Variants in FMNL2 observed in about 807,000 individuals in gnomAD.
The protein encoded by FMNL2 is formin like 2.
Under a neutral mutation model 130.2 loss-of-function variants are expected in FMNL2, and 51 were observed. That is an observed-to-expected ratio of 0.39 (90% CI 0.31 to 0.49). FMNL2 has a LOEUF of 0.49. FMNL2 is among the 20% of genes least tolerant of loss of function. FMNL2 has a pLI of 0.85. For missense variants in FMNL2, 977 were observed against 1,316.2 expected (o/e 0.74, Z 3.99); for synonymous variants, 465 against 467.1 (o/e 1.00, Z 0.06).
intron 1 of FMNL2, among the ~76,000 whole-genome samples, chr2:152,396,137 C>G (rs1220547693): frequency 6.6e-6 from 1 of 152,180 alleles, no homozygotes; most frequent in Admixed American, 6.5e-5. Context: ...ACATCCCTCC[C>G]CCTCTCCTTT....
chr2:152,422,331 C>G (rs1686964102), intron 1 of FMNL2, among the ~76,000 whole-genome samples: 1 of 152,120 alleles, frequency 6.6e-6, no homozygotes, highest in Non-Finnish European at 1.5e-5. Context: ...CATGATGCCC[C>G]GTGATCATCA....
Position 152,560,912 on chromosome 2 carries a change from T to C in FMNL2, c.473T>C (p.Val158Ala), listed in dbSNP as rs1343864018. ...GACTTTGAAAGTGTGGAGAGTACTG[T>C]GGAGAGCTCGGTGGACAAATCAAAG... ...TFDFESVESTVESSVDKSKPW... is the reference protein window; with the variant it reads ...TFDFESVESTAESSVDKSKPW... Residue 158 changes from valine to alanine, a missense_variant, in exon 6 of 26, where the codon GTG becomes GCG. Coordinates refer to ENST00000288670, the MANE Select transcript of FMNL2 (RefSeq NM_052905.4). The C allele has an allele frequency of 6.2e-7, 1 of 1,612,828 alleles. No individual in the cohort carries two copies. The highest frequency in any genetic ancestry group is 2.2e-5 in the East Asian group (1 of 44,820).
At chr2:152,521,706 G>A (rs928665638) in intron 1 of FMNL2, among the ~76,000 whole-genome samples, 16 of 152,150 alleles carry the variant, frequency 1.1e-4, no homozygotes, top group African/African-American at 3.9e-4. Context: ...AAGTCTGATT[G>A]TTCAAAGCAG....
At chr2:152,376,943 A>T (rs80031606) in intron 1 of FMNL2, among the ~76,000 whole-genome samples, 2 of 152,340 alleles carry the variant, frequency 1.3e-5, no homozygotes, top group Non-Finnish European at 2.9e-5. Context: ...GGATTAGAGG[A>T]CTGATAGAGA....
intron 1 of FMNL2, among the ~76,000 whole-genome samples, chr2:152,460,150 A>G (rs1689162344): frequency 6.6e-6 from 1 of 152,200 alleles, no homozygotes. Flanking sequence ...GCTCATTTAT[A>G]TACGTAGTGG....
chr2:152,461,420 A>C (rs1347559333), intron 1 of FMNL2, among the ~76,000 whole-genome samples: 1 of 152,132 alleles, frequency 6.6e-6, no homozygotes, highest in Non-Finnish European at 1.5e-5. Flanking sequence ...TGCACATCTC[A>C]ATTTGATGTT....
intron 7 of FMNL2, among the ~76,000 whole-genome samples, chr2:152,576,285 A>C (rs1378953049): frequency 1.3e-5 from 2 of 152,176 alleles, no homozygotes; most frequent in African/African-American, 4.8e-5. Flanking sequence ...CCTGTTCCAC[A>C]TAGGCAACTG....
intron 1 of FMNL2, among the ~76,000 whole-genome samples, chr2:152,336,230 G>C (rs1681436064): frequency 6.6e-6 from 1 of 152,150 alleles, no homozygotes; most frequent in Admixed American, 6.5e-5. Context: ...CGGGCGGTGA[G>C]CGGAGGCGAA....
chr2:152,506,948 TC>T (rs1692208995), intron 1 of FMNL2, among the ~76,000 whole-genome samples: 1 of 152,230 alleles, frequency 6.6e-6, no homozygotes, highest in South Asian at 2.1e-4. Context: ...TGCACACACT[TC>T]CTTTCCTGTT....
chr2:152,642,900 T>G (rs1296905678), intron 25 of FMNL2, among the ~76,000 whole-genome samples: 1 of 152,228 alleles, frequency 6.6e-6, no homozygotes, highest in African/African-American at 2.4e-5. Context: ...TCCCAGCTAC[T>G]TGGGAGGCCG....
chr2:152,348,260 A>G (rs6433984), intron 1 of FMNL2, among the ~76,000 whole-genome samples: 117,401 of 152,170 alleles, frequency 0.77, 46,273 homozygotes, highest in Admixed American at 0.86. Flanking sequence ...ATGCTTTCAT[A>G]TGTAGCTTTG....
chr2:152,480,616 C>G (rs1690457547), intron 1 of FMNL2, among the ~76,000 whole-genome samples: 1 of 107,202 alleles, frequency 9.3e-6, no homozygotes, highest in Admixed American at 1.4e-4. Flanking sequence ...GCCTGGGCGA[C>G]AGAGCAAGAC....
intron 1 of FMNL2, among the ~76,000 whole-genome samples, chr2:152,470,456 A>C (rs1224652328): frequency 6.6e-6 from 1 of 152,226 alleles, no homozygotes; most frequent in Admixed American, 6.5e-5. Flanking sequence ...GTGGCTGACA[A>C]CTAGGACGTG....
At chr2:152,564,735 GA>G (rs201448699) in intron 6 of FMNL2, among the ~76,000 whole-genome samples, 3 of 82,786 alleles carry the variant, frequency 3.6e-5, no homozygotes, top group East Asian at 3.6e-4. Context: ...TCAATCTCAA[GA>G]AAAAAAAAGA....
In FMNL2 at chr2:152,412,444, TTTTATATATATATATATATATATA is replaced by T. The variant is rs1468451656; in HGVS notation, c.117+76726_117+76749del. On this transcript the variant is annotated intron_variant, in intron 1 of 25. Coordinates refer to ENST00000288670, the MANE Select transcript of FMNL2 (RefSeq NM_052905.4). ...ATTTCCTCTTACTTTCTTCTGTATA[TTTTATATATATATATATATATATA>T]TATATATATATATATATATATATAT... Among the ~76,000 whole-genome samples the T allele has an allele frequency of 5.8e-3, 600 of 103,354 alleles. 10 individuals carry two copies. Among genetic ancestry groups the T allele is most frequent in the East Asian group, 0.018 (51 of 2,874 alleles). The allele number at this position is 103,354 out of a possible 152,430, so 67.8% of individuals were successfully genotyped here. A position where few individuals can be genotyped will look rare whatever the true frequency, so the allele number is the denominator to read the frequency against.
Position 152,648,019 on chromosome 2 carries a change from G to GCTCA in FMNL2, c.*115_*118dup, listed in dbSNP as rs1185206401. ...AACACACACAAAAATATTCTTAAGGGCTCAGATTTAGCAAACACGGAAGAA... is the reference window on the plus strand; with the variant it reads ...AACACACACAAAAATATTCTTAAGGGCTCACTCAGATTTAGCAAACACGGAAGAA... On this transcript the variant is annotated 3_prime_UTR_variant, in exon 26 of 26. Transcript: ENST00000288670. 6 of 929,132 alleles carry GCTCA rather than the reference G, an allele frequency of 6.5e-6. No individual in the cohort carries two copies. In the East Asian group the frequency reaches 1.5e-4, roughly 24 times the overall value. 57.6% of individuals were successfully genotyped at this position (929,132 alleles called of 1,614,324 possible).
At position 152,572,349 on chromosome 2, in the gene FMNL2, T is replaced by TTTTTAAGATTTGATTTAAGATTTAA. The variant is rs577472432; in HGVS notation, c.597-2787_597-2786insTTTTAAGATTTGATTTAAGATTTAA. 3.3e-5 allele frequency among the ~76,000 whole-genome samples: 5 copies of TTTTTAAGATTTGATTTAAGATTTAA among 152,290 alleles called. 1 individual carries two copies. In the South Asian group the frequency reaches 1.0e-3, roughly 32 times the overall value. ...AACTTTGGGGCTTAAAAAAGAGATT[T>TTTTTAAGATTTGATTTAAGATTTAA]GGTTTGATTTCCTGTGGCTGGTGAG... On this transcript the variant is annotated intron_variant, in intron 6 of 25. Coordinates refer to ENST00000288670, the MANE Select transcript of FMNL2 (RefSeq NM_052905.4).
rs554232699 is a variant in FMNL2, at chr2:152,555,166, C to T, written c.360-3574C>T. 1.8e-4 allele frequency among the ~76,000 whole-genome samples: 27 copies of T among 152,228 alleles called. No individual in the cohort carries two copies. The South Asian group carries it at 5.4e-3, about 30-fold the overall frequency. ...GTCAGTGTCAACAGATTGAAAACAACTAATGTCCTAATATTTTTGTGAAAA... is the reference window on the plus strand; with the variant it reads ...GTCAGTGTCAACAGATTGAAAACAATTAATGTCCTAATATTTTTGTGAAAA... On this transcript the variant is annotated intron_variant, in intron 4 of 25. Transcript: ENST00000288670.
rs751084506 is a variant in FMNL2, at chr2:152,549,031, G to A, written c.293G>A (p.Arg98Gln). 2 of 1,606,552 alleles carry A rather than the reference G, an allele frequency of 1.2e-6. No homozygotes were observed. The highest frequency in any genetic ancestry group is 1.1e-5 in the South Asian group (1 of 88,738). ...DPAVTRKKFR[R>Q]RVQESTQVLR... ...GTTCTTGAATTATAGAAATTCAGACGGCGTGTTCAAGAATCTACACAAGTG... is the reference window on the plus strand; with the variant it reads ...GTTCTTGAATTATAGAAATTCAGACAGCGTGTTCAAGAATCTACACAAGTG... Residue 98 changes from arginine (R) to glutamine (Q), a missense_variant, in exon 4 of 26, where the codon CGG becomes CAG. Physicochemically the swap from Arg to Gln is conservative, Grantham distance 43. Around this residue, in one of 4 missense-constraint regions of FMNL2, gnomAD observed 117 missense variants for 134.9 expected, o/e 0.87. Coordinates refer to ENST00000288670, the MANE Select transcript of FMNL2 (RefSeq NM_052905.4).
Sources: gnomAD v4.1 joint callset for allele counts (sites outside exome capture counted in the v4.1 genomes callset) on GRCh38, gnomAD v4.1.1 for gene constraint, gnomAD v4.1.1 regional missense constraint, MANE v1.5 for transcripts, NCBI Gene and HGNC (gene_info 2026-07-23, HGNC 2026-07-21) for gene names.